The following TCF20 variants were observed in gnomAD, a reference collection of about 807,000 sequenced individuals.
The protein encoded by TCF20 is transcription factor 20.
Under a neutral mutation model 148.6 loss-of-function variants are expected in TCF20, and 3 were observed. That is an observed-to-expected ratio of 0.02 (90% CI 0.01 to 0.05). The LOEUF is 0.05. Ranked by LOEUF, TCF20 falls within the 10% of genes least tolerant of loss-of-function variation. The probability of loss-of-function intolerance (pLI) is 1.00; values close to 1 mark genes in which losing one functional copy is unlikely to be tolerated. For missense variants in TCF20, 2,350 were observed against 2,429.3 expected (o/e 0.97, Z 0.69); for synonymous variants, 1,049 against 909.5 (o/e 1.15, Z -2.76).
chr22:42,193,534 C>T (rs946474388), intron 2 of TCF20, among the ~76,000 whole-genome samples: 2 of 151,996 alleles, frequency 1.3e-5, no homozygotes, highest in African/African-American at 2.4e-5. Flanking sequence ...CACTTTGTTG[C>T]CCAAGCTGGT....
chr22:42,223,202 CT>C (rs1480637320), intron 1 of TCF20, among the ~76,000 whole-genome samples: 1 of 152,158 alleles, frequency 6.6e-6, no homozygotes, highest in Non-Finnish European at 1.5e-5. Context: ...ATGTTAGTCA[CT>C]GTGTGGTTTT....
intron 1 of TCF20, among the ~76,000 whole-genome samples, chr22:42,230,637 T>C (rs913168127): frequency 1.7e-5 from 2 of 118,926 alleles, no homozygotes; most frequent in Non-Finnish European, 3.9e-5. Context: ...AGAGAGAGAC[T>C]GTCTCAAAAA....
chr22:42,165,352 C>G (rs556872099), intron 5 of TCF20, among the ~76,000 whole-genome samples: 1 of 152,246 alleles, frequency 6.6e-6, no homozygotes, highest in African/African-American at 2.4e-5. Context: ...AGCATTAGCC[C>G]TGATCAAGGT....
chr22:42,293,729 C>T (rs908517112), intron 1 of TCF20, among the ~76,000 whole-genome samples: 5 of 152,224 alleles, frequency 3.3e-5, no homozygotes, highest in Non-Finnish European at 5.9e-5. Context: ...AGGCTGGGCG[C>T]GGTGGCTCAG....
rs146028256 is a variant in TCF20, at chr22:42,338,604, C to T, written c.-37+4875G>A. ...GCGAGAGGCTTAATGAAACTGCTAA[C>T]GCGTTAGTGATTCCTGCCTGCTCGG... On this transcript the variant is annotated intron_variant, in intron 1 of 1. Coordinates refer to the TCF20 transcript ENST00000515426. The surrounding 1 kb of genome is among the most constrained non-coding windows in gnomAD (Gnocchi z 4.0). Among the ~76,000 whole-genome samples the T allele has an allele frequency of 6.6e-6, 1 of 152,330 alleles. No individual in the cohort carries two copies. Among genetic ancestry groups the T allele is most frequent in the Non-Finnish European group, 1.5e-5 (1 of 68,026 alleles).
intron 3 of TCF20, among the ~76,000 whole-genome samples, chr22:42,172,875 G>A (rs1460303685): frequency 2.0e-5 from 3 of 152,204 alleles, no homozygotes; most frequent in Non-Finnish European, 4.4e-5. Context: ...CTGCCTTGCC[G>A]AAGGGTAGGC....
intron 1 of TCF20, among the ~76,000 whole-genome samples, chr22:42,244,526 A>T (rs1342080518): frequency 1.3e-5 from 2 of 152,218 alleles, no homozygotes; most frequent in Admixed American, 6.5e-5. Context: ...TAAGTGAAAG[A>T]AGTCAGACAT....
intron 1 of TCF20, among the ~76,000 whole-genome samples, chr22:42,281,940 G>A (rs1184728108): frequency 6.6e-6 from 1 of 152,210 alleles, no homozygotes; most frequent in Non-Finnish European, 1.5e-5. Context: ...TGCACCCAAA[G>A]GCCTAACAGG....
chr22:42,221,115 T>G (rs186828448), intron 1 of TCF20, among the ~76,000 whole-genome samples: 2 of 152,294 alleles, frequency 1.3e-5, no homozygotes, highest in Non-Finnish European at 2.9e-5. Context: ...GGTTCTGGGT[T>G]AGAGTTTGCA....
At chr22:42,302,284 C>T (rs980521367) in intron 1 of TCF20, among the ~76,000 whole-genome samples, 12 of 152,118 alleles carry the variant, frequency 7.9e-5, no homozygotes, top group African/African-American at 2.9e-4. Context: ...GTGGCTGCAG[C>T]TGGGGGTCTC....
intron 1 of TCF20, among the ~76,000 whole-genome samples, chr22:42,225,882 T>C (rs1922845098): frequency 6.6e-6 from 1 of 152,128 alleles, no homozygotes; most frequent in Non-Finnish European, 1.5e-5. Flanking sequence ...GGTCACTAGC[T>C]CAAAATTATT....
chr22:42,288,096 T>G (rs113742507), upstream of TCF20, among the ~76,000 whole-genome samples: 11 of 152,062 alleles, frequency 7.2e-5, no homozygotes, highest in African/African-American at 2.4e-4. Flanking sequence ...CTTTTCCTAT[T>G]AAGAGATCAG....
chr22:42,253,130 T>A (rs1198429606), intron 1 of TCF20, among the ~76,000 whole-genome samples: 2 of 151,890 alleles, frequency 1.3e-5, no homozygotes, highest in Non-Finnish European at 2.9e-5. Context: ...AAAGAAAAAA[T>A]TTCCTATTTC....
chr22:42,339,219 C>T (rs1472444869), intron 1 of TCF20, among the ~76,000 whole-genome samples: 1 of 152,142 alleles, frequency 6.6e-6, no homozygotes, highest in East Asian at 1.9e-4. Context: ...ACTTACTGGT[C>T]ACTGCAATCT....
At chr22:42,256,286 G>A (rs1353524325) in intron 1 of TCF20, among the ~76,000 whole-genome samples, 1 of 152,172 alleles carries the variant, frequency 6.6e-6, no homozygotes, top group Non-Finnish European at 1.5e-5. Context: ...AAAGTGAAGT[G>A]TTTTATTTGA....
At chr22:42,243,447 A>T (rs539169206) in intron 1 of TCF20, among the ~76,000 whole-genome samples, 2 of 152,098 alleles carry the variant, frequency 1.3e-5, no homozygotes, top group African/African-American at 4.8e-5. Flanking sequence ...TACTAAAAAT[A>T]TAAAAATTAG....
In TCF20 at chr22:42,279,619, C is replaced by T. The variant is rs535480698; in HGVS notation, c.-37+4208G>A. 1.8e-4 allele frequency among the ~76,000 whole-genome samples: 27 copies of T among 152,074 alleles called. No individual in the cohort carries two copies. Among genetic ancestry groups the T allele is most frequent in the African/African-American group, 5.3e-4 (22 of 41,366 alleles). On this transcript the variant is annotated intron_variant, in intron 1 of 5. Coordinates refer to the TCF20 transcript ENST00000359486. The surrounding 1 kb of genome is among the most constrained non-coding windows in gnomAD (Gnocchi z 4.3). The stretch of plus-strand genomic sequence containing the variant: ...GAGGGCTGCAGGCACACAGTGACTG[C>T]GCTTCTCAGTGCCACAAGTGCTGTT...
Position 42,213,423 on chromosome 22 carries a change from T to A in TCF20, c.1883A>T (p.Gln628Leu), listed in dbSNP as rs149867977. 19 of 1,614,076 alleles carry A rather than the reference T, an allele frequency of 1.2e-5. No individual in the cohort carries two copies. Among genetic ancestry groups the A allele is most frequent in the African/African-American group, 2.7e-5 (2 of 74,930 alleles). ...TTGAGTGGCTGCAGGATCATCCTCTTGGGAGCCTTTATCTTGTCCACCAGG... is the reference window on the plus strand; with the variant it reads ...TTGAGTGGCTGCAGGATCATCCTCTAGGGAGCCTTTATCTTGTCCACCAGG... ...EKPGGQDKGS[Q>L]EDDPAATQRP... Residue 628 changes from glutamine (Q) to leucine (L), a missense_variant, in exon 2 of 6, where the codon CAA (glutamine) becomes CTA (leucine). Physicochemically the swap from Gln to Leu is moderately radical, Grantham distance 113. Around this residue, in one of 7 missense-constraint regions of TCF20, gnomAD observed 1,641 missense variants for 1,662.6 expected, o/e 0.99. Transcript: ENST00000677622.
At chr22:42,238,695 C>A (rs1924100114) in intron 1 of TCF20, among the ~76,000 whole-genome samples, 1 of 152,130 alleles carries the variant, frequency 6.6e-6, no homozygotes, top group South Asian at 2.1e-4. Flanking sequence ...AACAGAGAGA[C>A]CTGAGGAGGT....
Sources: gnomAD v4.1 joint callset for allele counts (sites outside exome capture counted in the v4.1 genomes callset) on GRCh38, gnomAD v4.1.1 for gene constraint, gnomAD v4.1.1 regional missense constraint, Gnocchi (gnomAD v3.1) non-coding constraint, MANE v1.5 for transcripts, NCBI Gene and HGNC (gene_info 2026-07-23, HGNC 2026-07-21) for gene names.